The following FMN1 variants were observed in gnomAD, a reference collection of about 807,000 sequenced individuals.
FMN1 encodes the protein formin-1.
Under a neutral mutation model 132.4 loss-of-function variants are expected in FMN1, and 110 were observed. That is an observed-to-expected ratio of 0.83 (90% confidence interval 0.71 to 0.97). The LOEUF is 0.97. Ranked by LOEUF, FMN1 falls within the 50% of genes least tolerant of loss-of-function variation. The pLI is 0.00. For missense variants in FMN1, 1,792 were observed against 1,705.3 expected (o/e 1.05, Z -0.90); for synonymous variants, 722 against 651.7 (o/e 1.11, Z -1.64).
At chr15:33,044,891 T>C (rs1268474903) in intron 6 of FMN1, among the ~76,000 whole-genome samples, 1 of 152,246 alleles carries the variant, frequency 6.6e-6, no homozygotes, top group African/African-American at 2.4e-5. Flanking sequence ...TACCTCATTC[T>C]TCCTGTTGTG....
At chr15:33,129,450 C>T (rs1014209864) in intron 4 of FMN1, among the ~76,000 whole-genome samples, 12 of 152,190 alleles carry the variant, frequency 7.9e-5, no homozygotes, top group Admixed American at 2.0e-4. Flanking sequence ...TTTCTCAGTA[C>T]CTGCACATGG....
Position 32,901,808 on chromosome 15 carries a change from C to CT in FMN1, c.3507+102dup, listed in dbSNP as rs1366926091. On this transcript the variant is annotated intron_variant, in intron 13 of 20. Transcript: ENST00000616417. The stretch of plus-strand genomic sequence containing the variant: ...ATTTACACTTAGAAAAACATACAAT[C>CT]TGAGTCCAAAAAGGTTTCTATAATG... The CT allele has an allele frequency of 5.8e-6, 5 of 869,302 alleles. No individual in the cohort carries two copies. The East Asian group carries it at 8.5e-5, about 15-fold the overall frequency. The allele number at this position is 869,302 out of a possible 1,614,324, so 53.8% of individuals were successfully genotyped here.
At chr15:32,805,287 T>A (rs1459703860) in intron 17 of FMN1, among the ~76,000 whole-genome samples, 1 of 152,276 alleles carries the variant, frequency 6.6e-6, no homozygotes, top group Non-Finnish European at 1.5e-5. Context: ...CATGTGTCTA[T>A]TGGCTGCATA....
chr15:32,951,979 C>T (rs147161372), intron 9 of FMN1, among the ~76,000 whole-genome samples: 4 of 152,296 alleles, frequency 2.6e-5, no homozygotes, highest in African/African-American at 9.6e-5. Flanking sequence ...CACTGGCTTC[C>T]TATGGCTCTG....
At chr15:32,836,532 A>G (rs1024805784) in intron 17 of FMN1, among the ~76,000 whole-genome samples, 1 of 152,118 alleles carries the variant, frequency 6.6e-6, no homozygotes, top group African/African-American at 2.4e-5. Context: ...AAATGCCCGC[A>G]TGCTTTCTCC....
intron 6 of FMN1, among the ~76,000 whole-genome samples, chr15:33,034,377 C>A (rs2036092505): frequency 6.6e-6 from 1 of 152,042 alleles, no homozygotes; most frequent in South Asian, 2.1e-4. Flanking sequence ...GAGTTTGAGA[C>A]CAGCCTGGGC....
At chr15:32,832,708 G>T (rs906835744) in intron 17 of FMN1, among the ~76,000 whole-genome samples, 1 of 152,078 alleles carries the variant, frequency 6.6e-6, no homozygotes, top group African/African-American at 2.4e-5. Flanking sequence ...AACCCGGGAG[G>T]TGGAGGTTGC....
chr15:32,794,725 T>A (rs1031181978), intron 19 of FMN1, among the ~76,000 whole-genome samples: 1 of 152,202 alleles, frequency 6.6e-6, no homozygotes, highest in African/African-American at 2.4e-5. Flanking sequence ...CATTGAATGT[T>A]TGGATATCAT....
chr15:33,173,721 G>C (rs1317622831), intron 3 of FMN1, among the ~76,000 whole-genome samples: 1 of 152,238 alleles, frequency 6.6e-6, no homozygotes, highest in African/African-American at 2.4e-5. Context: ...CTGAGGTCAG[G>C]AGTTCCAGAT....
intron 7 of FMN1, among the ~76,000 whole-genome samples, chr15:32,982,226 A>AGGGAGGAGT (rs1434181711): frequency 1.3e-5 from 2 of 152,150 alleles, no homozygotes; most frequent in East Asian, 3.9e-4. Context: ...GAGGGAGGAG[A>AGGGAGGAGT]GGGAGGAGTG....
chr15:33,010,918 C>T (rs905880811), intron 6 of FMN1, among the ~76,000 whole-genome samples: 13 of 150,152 alleles, frequency 8.7e-5, no homozygotes, highest in East Asian at 7.9e-4. Context: ...AAAAAATAAA[C>T]GCAGAAAGAC....
intron 6 of FMN1, chr15:33,012,993 C>A (rs868501150): frequency 2.3e-6 from 1 of 436,300 alleles, no homozygotes; most frequent in Admixed American, 2.6e-5. Flanking sequence ...ATGGTGGAAG[C>A]CAGTACTTTG....
At position 33,170,569 on chromosome 15, in the gene FMN1, A is replaced by ACC. The variant is rs796310810; in HGVS notation, c.-132+9627_-132+9628dup. Among the ~76,000 whole-genome samples, 1,013 of 149,476 alleles carry ACC rather than the reference A, an allele frequency of 6.8e-3. 17 individuals carry two copies. The highest frequency in any genetic ancestry group is 0.023 in the African/African-American group (946 of 40,884). On this transcript the variant is annotated intron_variant, in intron 3 of 20. Transcript: ENST00000616417. ...CAACTCAACAATAAAAAAAAAAAAA[A>ACC]CCCGTTGAAAAATGGGCAAAGGACA...
chr15:32,881,942 A>AT (rs2059781493), intron 16 of FMN1, among the ~76,000 whole-genome samples: 1 of 152,204 alleles, frequency 6.6e-6, no homozygotes, highest in Non-Finnish European at 1.5e-5. Context: ...TAGTTCAGTT[A>AT]GCCACATCAG....
rs765384881 is a variant in FMN1 at position 33,164,780 on chromosome 15, CT to C, written c.-131-9736del. Among the ~76,000 whole-genome samples, 13 of 152,230 alleles carry C rather than the reference CT, an allele frequency of 8.5e-5. No individual in the cohort carries two copies. The East Asian group carries it at 9.6e-4, about 11-fold the overall frequency. Reference sequence around the variant, plus strand: ...TGCTTAGGAAATAAGCCCTTTCCCCCTGATTTAATTTTTAATTTTTATGGGT... The same window carrying C: ...TGCTTAGGAAATAAGCCCTTTCCCCCGATTTAATTTTTAATTTTTATGGGT... On this transcript the variant is annotated intron_variant, in intron 3 of 20. Transcript: ENST00000616417.
chr15:32,889,811 G>C (rs1400005421), intron 15 of FMN1, among the ~76,000 whole-genome samples: 1 of 152,176 alleles, frequency 6.6e-6, no homozygotes, highest in Non-Finnish European at 1.5e-5. Context: ...GGTAGAGGTG[G>C]TATTTGGTTA....
intron 5 of FMN1, among the ~76,000 whole-genome samples, chr15:33,078,873 G>A (rs1246463341): frequency 1.3e-5 from 2 of 152,150 alleles, no homozygotes; most frequent in African/African-American, 4.8e-5. Context: ...AGAGACCAGG[G>A]TTGGAAGATA....
In FMN1 at chr15:32,774,044, A is replaced by T. The variant is rs1567144392; in HGVS notation, c.*266T>A. The stretch of plus-strand genomic sequence containing the variant: ...ACATTTTGGTATTTCTTCTGCTCTT[A>T]GAGTGGACTTTGGGCTTCCACAAGA... On this transcript the variant is annotated 3_prime_UTR_variant, in exon 21 of 21. Transcript: ENST00000616417. 6 of 480,116 alleles carry T rather than the reference A, an allele frequency of 1.2e-5. No individual in the cohort carries two copies. The allele number at this position is 480,116 out of a possible 1,614,324, so 29.7% of individuals were successfully genotyped here.
At chr15:33,127,067 T>C (rs1963153633) in intron 4 of FMN1, among the ~76,000 whole-genome samples, 2 of 152,282 alleles carry the variant, frequency 1.3e-5, no homozygotes, top group South Asian at 4.2e-4. Flanking sequence ...CTTTCTGCTG[T>C]TTTCCAGGCA....
Sources: gnomAD v4.1 joint callset for allele counts (sites outside exome capture counted in the v4.1 genomes callset) on GRCh38, gnomAD v4.1.1 for gene constraint, MANE v1.5 for transcripts, NCBI Gene and HGNC (gene_info 2026-07-23, HGNC 2026-07-21) for gene names.